TRIP12: variants seen among roughly 807,000 people sequenced by gnomAD.
TRIP12 encodes E3 ubiquitin-protein ligase TRIP12.
A neutral mutation model predicts 244.2 loss-of-function variants in TRIP12; 25 were observed. That is an observed-to-expected ratio of 0.10 (90% CI 0.07 to 0.14). The LOEUF is 0.14. TRIP12 is among the 10% of genes least tolerant of loss of function. The pLI is 1.00. For synonymous variants in TRIP12, 905 were observed against 873.1 expected (o/e 1.04, Z -0.64); for missense variants, 1,677 against 2,486.4 (o/e 0.67, Z 6.92).
chr2:229,890,118 C>T lies in TRIP12; in HGVS notation c.-49-9990G>A, dbSNP rs571323177. Among the ~76,000 whole-genome samples the T allele has an allele frequency of 4.9e-5, 7 of 143,044 alleles. No individual in the cohort carries two copies. In the East Asian group the frequency reaches 6.1e-4, roughly 12 times the overall value. 93.8% of individuals were successfully genotyped at this position (143,044 alleles called of 152,430 possible). ...TTTTTGAGATGGAGTCTTGTTCTGT[C>T]GCCCAGGCTGGAGTGCAATGGCGCA... On this transcript the variant is annotated intron_variant, in intron 1 of 41. Coordinates refer to ENST00000675903, the MANE Select transcript of TRIP12 (RefSeq NM_001348323.3).
chr2:229,908,741 A>G (rs868551260), intron 1 of TRIP12, among the ~76,000 whole-genome samples: 63 of 150,254 alleles, frequency 4.2e-4, no homozygotes, highest in Middle Eastern at 3.5e-3. Context: ...TCAAAAAAAA[A>G]AAAAGATTTT....
intron 1 of TRIP12, among the ~76,000 whole-genome samples, chr2:229,914,915 T>C (rs146353252): frequency 2.0e-5 from 3 of 152,308 alleles, no homozygotes; most frequent in African/African-American, 7.2e-5. Context: ...ACTACAATGA[T>C]GTATACTATT....
intron 13 of TRIP12, 28 bp from the exon 14 acceptor site, chr2:229,811,232 T>C (rs993637667): frequency 1.2e-5 from 19 of 1,595,208 alleles, no homozygotes; most frequent in Non-Finnish European, 1.5e-5. Flanking sequence ...GAAAATAAAA[T>C]TTATTAGCAT....
At chr2:229,898,459 T>C (rs1455995626) in intron 1 of TRIP12, among the ~76,000 whole-genome samples, 3 of 152,162 alleles carry the variant, frequency 2.0e-5, no homozygotes, top group Non-Finnish European at 1.5e-5. Context: ...ACACAAAAAG[T>C]AAGACGCAAA....
At chr2:229,885,917 T>C (rs921053545) in intron 1 of TRIP12, among the ~76,000 whole-genome samples, 1 of 152,076 alleles carries the variant, frequency 6.6e-6, no homozygotes, top group Non-Finnish European at 1.5e-5. Context: ...TATTATACTT[T>C]GGGATTTAAG....
rs776698358 is a variant in TRIP12, at chr2:229,859,567, T to A, written c.232A>T (p.Ser78Cys). 8.1e-6 allele frequency: 13 copies of A among 1,611,460 alleles called. No individual in the cohort carries two copies. In the African/African-American group the frequency reaches 1.3e-4, roughly 17 times the overall value. The change falls in exon 4 of 42, where the codon AGT becomes TGT. Residue 78 changes from serine to cysteine, a missense_variant. This residue lies in a region of TRIP12 where 387 missense variants were observed against 392.6 expected (regional missense o/e 0.99). Coordinates refer to ENST00000675903, the MANE Select transcript of TRIP12 (RefSeq NM_001348323.3). ...SRGHLSKRSC[S>C]SSSAVIVPQP... ...GGAACTATCACAGCAGATGATGAAC[T>A]GCAGCTTCTAAGAGGTTAGATAAGA...
At chr2:229,785,633 CAAGAG>C (rs2154253399) in intron 34 of TRIP12, 119 bp downstream of exon 34, 2 of 866,126 alleles carry the variant, frequency 2.3e-6, no homozygotes, top group East Asian at 5.4e-5. Context: ...ACAAATCATT[CAAGAG>C]AAAAGAGAGC....
At chr2:229,855,510 G>A (rs1332831566) in intron 4 of TRIP12, among the ~76,000 whole-genome samples, 1 of 148,134 alleles carries the variant, frequency 6.8e-6, no homozygotes, top group Non-Finnish European at 1.5e-5. Flanking sequence ...TATCAATGAA[G>A]GACCAAATAA....
At chr2:229,876,946 T>C (rs887417836) in intron 2 of TRIP12, among the ~76,000 whole-genome samples, 5 of 152,134 alleles carry the variant, frequency 3.3e-5, no homozygotes, top group Non-Finnish European at 7.4e-5. Context: ...TCATCCCACC[T>C]CAGCCACCTC....
chr2:229,805,128 A>C (rs1220203769), intron 18 of TRIP12, among the ~76,000 whole-genome samples: 2 of 151,946 alleles, frequency 1.3e-5, no homozygotes, highest in Non-Finnish European at 2.9e-5. Flanking sequence ...GATGGTCTCC[A>C]TCTCCTGACC....
At chr2:229,919,821 A>G (rs548603514) in intron 1 of TRIP12, among the ~76,000 whole-genome samples, 2 of 152,316 alleles carry the variant, frequency 1.3e-5, no homozygotes, top group African/African-American at 4.8e-5. Flanking sequence ...AACCCCAATC[A>G]TATTATGTAC....
chr2:229,797,240 TAAATAA>T (rs1027593758), intron 24 of TRIP12, among the ~76,000 whole-genome samples: 2 of 151,620 alleles, frequency 1.3e-5, no homozygotes, highest in African/African-American at 4.8e-5. Context: ...AATAAATAAA[TAAATAA>T]AAATAAAAAT....
intron 4 of TRIP12, among the ~76,000 whole-genome samples, chr2:229,847,410 G>A (rs989711453): frequency 6.6e-6 from 1 of 152,238 alleles, no homozygotes; most frequent in South Asian, 2.1e-4. Flanking sequence ...TATGCCTAGC[G>A]AAGTGTCTCC....
At chr2:229,826,388 G>T (rs2051598562) in intron 8 of TRIP12, among the ~76,000 whole-genome samples, 1 of 152,124 alleles carries the variant, frequency 6.6e-6, no homozygotes, top group Admixed American at 6.5e-5. Flanking sequence ...CAACCAGTTT[G>T]CAAGAAATAA....
At chr2:229,914,196 C>G (rs1215069054) in intron 1 of TRIP12, among the ~76,000 whole-genome samples, 1 of 152,100 alleles carries the variant, frequency 6.6e-6, no homozygotes, top group Non-Finnish European at 1.5e-5. Context: ...CAAAGCAAAA[C>G]TCTGCCTCAA....
intron 8 of TRIP12, 121 bp from the exon 9 acceptor site, chr2:229,818,633 C>T: frequency 1.1e-6 from 1 of 917,356 alleles, no homozygotes; most frequent in Non-Finnish European, 1.6e-6. Flanking sequence ...AAGACTAGGT[C>T]TATACCAGGG....
intron 41 of TRIP12, among the ~76,000 whole-genome samples, chr2:229,768,091 C>T (rs968766791): frequency 2.6e-5 from 4 of 152,102 alleles, no homozygotes; most frequent in Non-Finnish European, 5.9e-5. Context: ...AACCCTATCT[C>T]TACAAAAATA....
At position 229,796,621 on chromosome 2, in the gene TRIP12, C is replaced by T; in HGVS notation, c.3786G>A (p.Lys1262=). The T allele has an allele frequency of 1.3e-6, 2 of 1,599,054 alleles. No individual in the cohort carries two copies. Among genetic ancestry groups the T allele is most frequent in the South Asian group, 1.1e-5 (1 of 87,914 alleles). Residue 1262 remains lysine, a synonymous_variant, in exon 25 of 42, where the codon AAG becomes AAA. Coordinates refer to ENST00000675903, the MANE Select transcript of TRIP12 (RefSeq NM_001348323.3). ...KDAVSREIRL[K]RFLHVFFSSP... Reference sequence around the variant, plus strand: ...AAGAAAAAAATACATGAAGAAATCGCTTTAATCTGATCTCTCTGCTCACAG... The same window carrying T: ...AAGAAAAAAATACATGAAGAAATCGTTTTAATCTGATCTCTCTGCTCACAG...
At chr2:229,804,520 A>C (rs2045331592) in intron 18 of TRIP12, among the ~76,000 whole-genome samples, 1 of 152,216 alleles carries the variant, frequency 6.6e-6, no homozygotes, top group Admixed American at 6.5e-5. Context: ...TATACATTCA[A>C]TGAAACAATA....
Sources: gnomAD v4.1 joint callset for allele counts (sites outside exome capture counted in the v4.1 genomes callset) on GRCh38, gnomAD v4.1.1 for gene constraint, gnomAD v4.1.1 regional missense constraint, MANE v1.5 for transcripts, NCBI Gene and HGNC (gene_info 2026-07-23, HGNC 2026-07-21) for gene names.